ZMAT4: variants seen among roughly 807,000 people sequenced by gnomAD.
The protein encoded by ZMAT4 is zinc finger matrin-type 4, also known as zinc finger matrin-type protein 4.
Under a neutral mutation model 28.7 loss-of-function variants are expected in ZMAT4, and 17 were observed. The ratio of observed to expected loss-of-function variants is 0.59; its 90% CI spans 0.41 to 0.89. The LOEUF (loss-of-function observed/expected upper bound fraction) is 0.89. ZMAT4 is among the 40% of genes least tolerant of loss of function. ZMAT4 has a pLI of 0.00. For synonymous variants in ZMAT4, 117 were observed against 109.2 expected (o/e 1.07, Z -0.44); for missense variants, 240 against 283.8 (o/e 0.85, Z 1.11).
intron 3 of ZMAT4, among the ~76,000 whole-genome samples, chr8:40,736,155 C>T (rs1372524386): frequency 6.6e-6 from 1 of 152,146 alleles, no homozygotes; most frequent in Non-Finnish European, 1.5e-5. Context: ...CACCTTATCT[C>T]CTAGGAATCT....
At chr8:40,725,280 G>A (rs72639699) in intron 3 of ZMAT4, among the ~76,000 whole-genome samples, 56,350 of 152,020 alleles carry the variant, frequency 0.37, 11,702 homozygotes, top group Middle Eastern at 0.47. Flanking sequence ...AAGAGTTAGA[G>A]GGATTCAGGT....
chr8:40,667,211 A>T (rs1180093110), intron 5 of ZMAT4, among the ~76,000 whole-genome samples: 2 of 150,866 alleles, frequency 1.3e-5, no homozygotes, highest in African/African-American at 4.9e-5. Context: ...GCTGGAGTGC[A>T]GTGGTGCAAT....
chr8:40,804,014 T>C (rs1814970463), intron 2 of ZMAT4, among the ~76,000 whole-genome samples: 1 of 152,190 alleles, frequency 6.6e-6, no homozygotes, highest in Non-Finnish European at 1.5e-5. Flanking sequence ...TCCAACTATA[T>C]GACATTCTAG....
intron 4 of ZMAT4, among the ~76,000 whole-genome samples, chr8:40,695,531 G>T (rs558307163): frequency 3.3e-5 from 5 of 152,316 alleles, no homozygotes; most frequent in African/African-American, 1.2e-4. Flanking sequence ...CCAGCAACCT[G>T]GTTTCTGCAA....
chr8:40,769,997 C>T (rs73615404), intron 2 of ZMAT4, among the ~76,000 whole-genome samples: 3,499 of 152,184 alleles, frequency 0.023, 131 homozygotes, highest in African/African-American at 0.081. Flanking sequence ...TGATTTTGAT[C>T]AGTACAGGCC....
At chr8:40,797,913 A>C (rs1814664159) in intron 2 of ZMAT4, among the ~76,000 whole-genome samples, 2 of 152,200 alleles carry the variant, frequency 1.3e-5, no homozygotes, top group Admixed American at 1.3e-4. Flanking sequence ...GAACCCTCTA[A>C]GGAGTGAGCC....
chr8:40,635,339 C>T (rs2599647), intron 5 of ZMAT4, among the ~76,000 whole-genome samples: 83,975 of 151,844 alleles, frequency 0.55, 24,144 homozygotes, highest in East Asian at 0.69. Flanking sequence ...CTTTTATCTG[C>T]CTCTCTGCCT....
intron 1 of ZMAT4, among the ~76,000 whole-genome samples, chr8:40,847,218 C>A (rs28505177): frequency 0.19 from 23,018 of 119,826 alleles, 2,073 homozygotes; most frequent in South Asian, 0.28. Context: ...AACAAACAAA[C>A]AAAAAAAAAA....
intron 2 of ZMAT4, among the ~76,000 whole-genome samples, chr8:40,771,493 A>G (rs1350441996): frequency 2.0e-5 from 3 of 152,166 alleles, no homozygotes. Context: ...CTTTTTACCC[A>G]CAATTATTGT....
intron 3 of ZMAT4, among the ~76,000 whole-genome samples, chr8:40,715,047 C>CAAAAAAAAAAAAAA (rs10690797): frequency 4.1e-5 from 3 of 73,354 alleles, no homozygotes; most frequent in African/African-American, 1.8e-4. Flanking sequence ...GACTCTGTCT[C>CAAAAAAAAAAAAAA]AAAAAAAAAA....
At chr8:40,574,073 T>C (rs1353886367) in intron 6 of ZMAT4, among the ~76,000 whole-genome samples, 1 of 152,216 alleles carries the variant, frequency 6.6e-6, no homozygotes, top group African/African-American at 2.4e-5. Context: ...TTAAGTACAT[T>C]TGGCTGACTT....
intron 6 of ZMAT4, among the ~76,000 whole-genome samples, chr8:40,542,376 TTTTATTTATTTA>T (rs537222877): frequency 6.6e-6 from 1 of 151,902 alleles, no homozygotes; most frequent in Non-Finnish European, 1.5e-5. Context: ...TTTAATTTTG[TTTTATTTATTTA>T]TTTATTTATT....
At chr8:40,732,555 T>C (rs910255358) in intron 3 of ZMAT4, among the ~76,000 whole-genome samples, 14 of 152,232 alleles carry the variant, frequency 9.2e-5, no homozygotes, top group Non-Finnish European at 1.8e-4. Context: ...AACAGGCACC[T>C]GCTCCAGAGT....
chr8:40,685,612 T>C (rs1049022567), intron 4 of ZMAT4, among the ~76,000 whole-genome samples: 1 of 151,982 alleles, frequency 6.6e-6, no homozygotes, highest in African/African-American at 2.4e-5. Flanking sequence ...TGAGGGATTT[T>C]TTTTAGGACA....
At chr8:40,667,858 A>C (rs1308539274) in intron 5 of ZMAT4, among the ~76,000 whole-genome samples, 1 of 151,792 alleles carries the variant, frequency 6.6e-6, no homozygotes, top group Non-Finnish European at 1.5e-5. Flanking sequence ...ACAACAAAAA[A>C]AAAAACCAAG....
chr8:40,620,994 A>G (rs1806178830), intron 5 of ZMAT4, among the ~76,000 whole-genome samples: 1 of 152,232 alleles, frequency 6.6e-6, no homozygotes, highest in African/African-American at 2.4e-5. Context: ...ATATTCTAAT[A>G]TTAGCAACAT....
At chr8:40,563,156 A>G (rs956415998) in intron 6 of ZMAT4, among the ~76,000 whole-genome samples, 1 of 152,050 alleles carries the variant, frequency 6.6e-6, no homozygotes, top group Non-Finnish European at 1.5e-5. Context: ...AGGCCCCTCA[A>G]ACTCATTCCA....
chr8:40,775,848 G>C (rs1269793205), intron 2 of ZMAT4, among the ~76,000 whole-genome samples: 1 of 152,194 alleles, frequency 6.6e-6, no homozygotes, highest in Non-Finnish European at 1.5e-5. Flanking sequence ...GAAGTCACAA[G>C]GGTGGGGCCC....
chr8:40,588,786 T>G (rs1804754102), intron 5 of ZMAT4, among the ~76,000 whole-genome samples: 1 of 152,152 alleles, frequency 6.6e-6, no homozygotes, highest in African/African-American at 2.4e-5. Flanking sequence ...TACTCCTAGA[T>G]ATTTACCTAA....
Sources: allele counts gnomAD v4.1 joint callset (sites outside exome capture counted in the v4.1 genomes callset), GRCh38; gene constraint gnomAD v4.1.1; transcripts MANE v1.5; gene names NCBI Gene and HGNC (gene_info 2026-07-23, HGNC 2026-07-21).